ASIC5: variants seen among roughly 807,000 people sequenced by gnomAD.
ASIC5 encodes bile acid-sensitive ion channel.
In ASIC5, 52 loss-of-function variants were observed where a neutral mutation model predicts 51.2. That is an observed-to-expected ratio of 1.02 (90% CI 0.81 to 1.28). ASIC5 has a LOEUF of 1.28. Among genes scored for constraint, ASIC5 ranks in the 50% most tolerant of loss-of-function variants. The probability of loss-of-function intolerance (pLI) is 0.00; values close to 1 mark genes in which losing one functional copy is unlikely to be tolerated. For synonymous variants in ASIC5, 231 were observed against 200.7 expected (o/e 1.15, Z -1.28); for missense variants, 635 against 595.0 (o/e 1.07, Z -0.70).
At chr4:155,836,974 A>G (rs1740997060) in intron 7 of ASIC5, 117 bp from the exon 8 acceptor site, 2 of 707,120 alleles carry the variant, frequency 2.8e-6, no homozygotes, top group Admixed American at 3.1e-5. Flanking sequence ...GTTACCAACA[A>G]CAAATGGTGT....
In ASIC5 at chr4:155,842,875, G is replaced by A. The variant is rs986276304; in HGVS notation, c.862-521C>T. Among the ~76,000 whole-genome samples, 3 of 152,122 alleles carry A rather than the reference G, an allele frequency of 2.0e-5. No individual in the cohort carries two copies. In the South Asian group the frequency reaches 6.2e-4, roughly 32 times the overall value. On this transcript the variant is annotated intron_variant, in intron 5 of 9. Coordinates refer to ENST00000537611, the MANE Select transcript of ASIC5 (RefSeq NM_017419.3). Reference sequence around the variant, plus strand: ...TGGGTGAAAAGAAAAAAAGAAAAATGACTCTCAGCTAAGTGAGAGAGAGTC... The same window carrying A: ...TGGGTGAAAAGAAAAAAAGAAAAATAACTCTCAGCTAAGTGAGAGAGAGTC...
intron 1 of ASIC5, 86 bp from the exon 2 acceptor site, chr4:155,863,840 A>G (rs899945161): frequency 1.8e-6 from 2 of 1,093,358 alleles, no homozygotes; most frequent in African/African-American, 3.2e-5. Context: ...CAACTCACAT[A>G]ATTTAAAGAG....
intron 2 of ASIC5, chr4:155,854,740 G>A: frequency 6.1e-6 from 1 of 163,852 alleles, no homozygotes; most frequent in South Asian, 1.7e-4. Flanking sequence ...CAGGAGCTGT[G>A]GTAGCTCACC....
intron 1 of ASIC5, chr4:155,864,469 C>G (rs1279661407): frequency 2.6e-5 from 4 of 152,046 alleles, no homozygotes; most frequent in Admixed American, 6.6e-5. Context: ...GATATGTTGA[C>G]AATTTTATTT....
At chr4:155,859,278 C>G (rs1741631328) in intron 2 of ASIC5, among the ~76,000 whole-genome samples, 1 of 151,826 alleles carries the variant, frequency 6.6e-6, no homozygotes, top group African/African-American at 2.4e-5. Context: ...ATTACTTTTT[C>G]TTATTTTTGT....
chr4:155,859,744 G>A (rs1404456979), intron 2 of ASIC5, among the ~76,000 whole-genome samples: 2 of 151,936 alleles, frequency 1.3e-5, no homozygotes, highest in Non-Finnish European at 2.9e-5. Flanking sequence ...GGAAATAAAT[G>A]TTTCCATCCT....
chr4:155,833,889 C>G (rs557972638), intron 8 of ASIC5, among the ~76,000 whole-genome samples: 47 of 152,042 alleles, frequency 3.1e-4, no homozygotes, highest in Middle Eastern at 6.8e-3. Context: ...GATTTGAGTC[C>G]AAAAATATTT....
intron 4 of ASIC5, among the ~76,000 whole-genome samples, chr4:155,845,436 C>T (rs1849641): frequency 0.99 from 148,287 of 150,082 alleles, 73,265 homozygotes; most frequent in East Asian, 1. Context: ...GACTGAATTC[C>T]GTTTTCACCT....
intron 8 of ASIC5, among the ~76,000 whole-genome samples, chr4:155,832,952 A>G (rs1312967121): frequency 1.3e-5 from 2 of 152,082 alleles, no homozygotes; most frequent in Non-Finnish European, 2.9e-5. Context: ...AACCCTGAGA[A>G]CAACCCTCCC....
intron 4 of ASIC5, among the ~76,000 whole-genome samples, chr4:155,851,848 AT>A (rs1268655590): frequency 2.0e-5 from 3 of 152,042 alleles, no homozygotes; most frequent in Non-Finnish European, 2.9e-5. Flanking sequence ...ACATAAACGT[AT>A]TTCTAAAATT....
rs1300189941 is a variant in ASIC5 at position 155,842,232 on chromosome 4, A to C, written c.984T>G (p.Cys328Trp). 8 of 1,613,632 alleles carry C rather than the reference A, an allele frequency of 5.0e-6. No individual in the cohort carries two copies. Among genetic ancestry groups the C allele is most frequent in the Non-Finnish European group, 6.8e-6 (8 of 1,179,686 alleles). ...ECKAQHIKKQ[C>W]GCVPFLLPGY... Reference sequence around the variant, plus strand: ...CAGGAAGAAGAAAAGGCACACATCCACATTGCTTTTTTATGTGCTGGGCTT... The same window carrying C: ...CAGGAAGAAGAAAAGGCACACATCCCCATTGCTTTTTTATGTGCTGGGCTT... Residue 328 changes from cysteine (C) to tryptophan (W), a missense_variant, in exon 6 of 10, where the codon TGT becomes TGG. Coordinates refer to ENST00000537611, the MANE Select transcript of ASIC5 (RefSeq NM_017419.3).
In ASIC5 at chr4:155,843,864, A is replaced by G. The variant is rs750226034; in HGVS notation, c.712-34T>C. 16 of 1,608,738 alleles carry G rather than the reference A, an allele frequency of 9.9e-6. No individual in the cohort carries two copies. The South Asian group carries it at 1.8e-4, about 18-fold the overall frequency. On this transcript the variant is annotated intron_variant, in intron 4 of 9. Coordinates refer to ENST00000537611, the MANE Select transcript of ASIC5 (RefSeq NM_017419.3). The stretch of plus-strand genomic sequence containing the variant: ...AAAATATGTTTTTGCCCAAATTGCA[A>G]ATTGACTATATCAGTTCTAAACAAG...
chr4:155,843,713 T>C lies in ASIC5; in HGVS notation c.829A>G (p.Met277Val). 1 of 1,613,574 alleles carries C rather than the reference T, an allele frequency of 6.2e-7. No individual in the cohort carries two copies. Among genetic ancestry groups the C allele is most frequent in the South Asian group, 1.1e-5 (1 of 91,046 alleles). Residue 277 changes from methionine to valine, a missense_variant, in exon 5 of 10, where the codon ATG becomes GTG. Physicochemically the swap from Met to Val is conservative, Grantham distance 21 (BLOSUM62 1). Transcript: ENST00000537611. ...DGLGLLSPVGMHARVTIRQVK... is the reference protein window; with the variant it reads ...DGLGLLSPVGVHARVTIRQVK... ...TGGCGGATGGTTACCCTTGCGTGCA[T>C]TCCCACAGGTGACAACAAGCCTAAC...
In ASIC5 at chr4:155,851,843, A is replaced by C. The variant is rs543418814; in HGVS notation, c.711+348T>G. ...CTTTCTAAAACGTGATATTTACATAAACGTATTTCTAAAATTATTGTTCAA... is the reference window on the plus strand; with the variant it reads ...CTTTCTAAAACGTGATATTTACATACACGTATTTCTAAAATTATTGTTCAA... On this transcript the variant is annotated intron_variant, in intron 4 of 9. Coordinates refer to ENST00000537611, the MANE Select transcript of ASIC5 (RefSeq NM_017419.3). Among the ~76,000 whole-genome samples, 9 of 152,166 alleles carry C rather than the reference A, an allele frequency of 5.9e-5. No individual in the cohort carries two copies. In the East Asian group the frequency reaches 1.5e-3, roughly 26 times the overall value.
At chr4:155,834,782 C>T (rs1740939835) in intron 8 of ASIC5, among the ~76,000 whole-genome samples, 3 of 151,990 alleles carry the variant, frequency 2.0e-5, no homozygotes, top group Non-Finnish European at 4.4e-5. Context: ...CCATATGAAA[C>T]CCAAACCCCA....
chr4:155,840,775 G>A (rs1204293534), intron 6 of ASIC5, among the ~76,000 whole-genome samples: 1 of 151,988 alleles, frequency 6.6e-6, no homozygotes, highest in African/African-American at 2.4e-5. Flanking sequence ...TGCAGCTGGA[G>A]GGTGCAAGAT....
At chr4:155,847,511 A>T (rs898359527) in intron 4 of ASIC5, among the ~76,000 whole-genome samples, 4 of 152,052 alleles carry the variant, frequency 2.6e-5, no homozygotes, top group African/African-American at 9.7e-5. Flanking sequence ...ACCTGAGGTC[A>T]GGAGTTCCAG....
At chr4:155,860,085 C>A (rs1741658223) in intron 2 of ASIC5, among the ~76,000 whole-genome samples, 2 of 151,874 alleles carry the variant, frequency 1.3e-5, no homozygotes, top group Admixed American at 6.6e-5. Context: ...TTTGTTAAGG[C>A]TTCCACATTT....
At chr4:155,863,215 C>G (rs907485157) in intron 2 of ASIC5, among the ~76,000 whole-genome samples, 3 of 151,796 alleles carry the variant, frequency 2.0e-5, no homozygotes. Context: ...GGGATGTTAC[C>G]TAGAATATGA....
Sources: gnomAD v4.1 joint callset for allele counts (sites outside exome capture counted in the v4.1 genomes callset) on GRCh38, gnomAD v4.1.1 for gene constraint, MANE v1.5 for transcripts, NCBI Gene and HGNC (gene_info 2026-07-23, HGNC 2026-07-21) for gene names.